The following FGF14 variants were observed in gnomAD, a reference collection of about 807,000 sequenced individuals.
The protein encoded by FGF14 is fibroblast growth factor 14.
In FGF14, 5 loss-of-function variants were observed where a neutral mutation model predicts 25.5. The ratio of observed to expected loss-of-function variants is 0.20; its 90% confidence interval spans 0.10 to 0.41. The LOEUF (loss-of-function observed/expected upper bound fraction) is 0.41. Among genes scored for constraint, FGF14 ranks in the 10% least tolerant of loss-of-function variants. The probability of loss-of-function intolerance (pLI) is 1.00; values close to 1 mark genes in which losing one functional copy is unlikely to be tolerated. For synonymous variants in FGF14, 138 were observed against 118.3 expected (o/e 1.17, Z -1.08); for missense variants, 222 against 320.1 (o/e 0.69, Z 2.34).
At chr13:101,761,670 G>A (rs1475471973) in intron 3 of FGF14, among the ~76,000 whole-genome samples, 5 of 152,134 alleles carry the variant, frequency 3.3e-5, no homozygotes, top group Non-Finnish European at 7.4e-5. Flanking sequence ...AGAGATGATG[G>A]CTAGGCTAAT....
chr13:101,715,781 G>T lies in FGF14; in HGVS notation c.*7050C>A. On this transcript the variant is annotated 3_prime_UTR_variant, in exon 5 of 5. Transcript: ENST00000376143. ...GACCATTGTATGTTTTTCTATTTCT[G>T]AATTACGAATGAAATCCGAGTACCT... The T allele has an allele frequency of 1.8e-6, 1 of 565,660 alleles. No individual in the cohort carries two copies. Among genetic ancestry groups the T allele is most frequent in the Admixed American group, 2.9e-5 (1 of 33,940 alleles). 35.0% of individuals were successfully genotyped at this position (565,660 alleles called of 1,614,324 possible). A position where few individuals can be genotyped will look rare whatever the true frequency, so the allele number is the denominator to read the frequency against.
intron 3 of FGF14, among the ~76,000 whole-genome samples, chr13:101,827,951 G>C (rs75100545): frequency 1.5e-5 from 1 of 67,072 alleles, no homozygotes; most frequent in Admixed American, 1.5e-4. Context: ...AAAGAAAAAA[G>C]TGTGGTATAC....
At chr13:101,948,315 T>C (rs548707775) in intron 1 of FGF14, among the ~76,000 whole-genome samples, 2 of 152,230 alleles carry the variant, frequency 1.3e-5, no homozygotes, top group East Asian at 1.9e-4. Context: ...TTCAGAATTA[T>C]GTTGTTAAAG....
intron 3 of FGF14, among the ~76,000 whole-genome samples, chr13:101,781,444 A>C (rs1050681163): frequency 4.6e-5 from 7 of 152,232 alleles, no homozygotes; most frequent in Non-Finnish European, 7.3e-5. Flanking sequence ...TGAGTGTCAT[A>C]CATATATCGA....
At chr13:101,991,894 G>T (rs944356475) in intron 1 of FGF14, among the ~76,000 whole-genome samples, 2 of 152,080 alleles carry the variant, frequency 1.3e-5, no homozygotes, top group African/African-American at 4.8e-5. Flanking sequence ...TTCACGCAGG[G>T]AGAAGGACAA....
chr13:101,939,306 A>C (rs985696976), intron 1 of FGF14, among the ~76,000 whole-genome samples: 1 of 152,202 alleles, frequency 6.6e-6, no homozygotes, highest in African/African-American at 2.4e-5. Flanking sequence ...AGCTCTCCTA[A>C]AAATACGTTT....
chr13:101,799,932 T>C (rs1403446579), intron 3 of FGF14, among the ~76,000 whole-genome samples: 1 of 152,146 alleles, frequency 6.6e-6, no homozygotes, highest in South Asian at 2.1e-4. Context: ...TAGAAGATTG[T>C]ATATGGATTT....
Position 101,728,660 on chromosome 13 carries a change from C to T in FGF14, c.409-1850G>A, listed in dbSNP as rs2035603877. Among the ~76,000 whole-genome samples, 4 of 146,090 alleles carry T rather than the reference C, an allele frequency of 2.7e-5. No individual in the cohort carries two copies. The Admixed American group carries it at 2.8e-4, about 10-fold the overall frequency. Reference sequence around the variant, plus strand: ...CTTTGGCATTTCACTTGTCTTTTTACTGAGACAGGGCAGGGCACCTAAGCA... The same window carrying T: ...CTTTGGCATTTCACTTGTCTTTTTATTGAGACAGGGCAGGGCACCTAAGCA... On this transcript the variant is annotated intron_variant, in intron 3 of 4. Coordinates refer to ENST00000376143, the MANE Select transcript of FGF14 (RefSeq NM_004115.4).
At chr13:102,100,882 C>T (rs991050376) in intron 1 of FGF14, among the ~76,000 whole-genome samples, 10 of 152,136 alleles carry the variant, frequency 6.6e-5, no homozygotes, top group Admixed American at 4.6e-4. Context: ...GGCAGATCAC[C>T]TGAGGTCAGG....
chr13:101,904,451 G>A (rs568784853), intron 1 of FGF14, among the ~76,000 whole-genome samples: 1 of 152,194 alleles, frequency 6.6e-6, no homozygotes, highest in African/African-American at 2.4e-5. Flanking sequence ...GAATAGCAGT[G>A]TGAGGCTAGT....
intron 1 of FGF14, among the ~76,000 whole-genome samples, chr13:102,203,235 C>A (rs979963148): frequency 3.9e-5 from 6 of 152,178 alleles, no homozygotes; most frequent in African/African-American, 1.4e-4. Flanking sequence ...CTCCCAAGTG[C>A]ATATCAACAA....
chr13:101,767,879 G>A (rs1327083963), intron 3 of FGF14, among the ~76,000 whole-genome samples: 4 of 152,138 alleles, frequency 2.6e-5, no homozygotes, highest in Non-Finnish European at 5.9e-5. Flanking sequence ...ATTTTAAAGT[G>A]TGGATTTGAA....
At chr13:101,835,229 G>A (rs1266675750) in intron 3 of FGF14, among the ~76,000 whole-genome samples, 1 of 151,966 alleles carries the variant, frequency 6.6e-6, no homozygotes, top group Admixed American at 6.6e-5. Context: ...GTGTATGTGG[G>A]TGTGTGTGTG....
At chr13:102,076,495 A>G (rs2043368923) in intron 1 of FGF14, among the ~76,000 whole-genome samples, 1 of 152,210 alleles carries the variant, frequency 6.6e-6, no homozygotes, top group African/African-American at 2.4e-5. Context: ...AAATTGTGTA[A>G]TGACACATTT....
At chr13:101,884,956 G>T (rs1158226970) in intron 1 of FGF14, among the ~76,000 whole-genome samples, 1 of 152,058 alleles carries the variant, frequency 6.6e-6, no homozygotes, top group Admixed American at 6.6e-5. Flanking sequence ...TAATTAGTAA[G>T]TGAGGAAGGG....
chr13:102,106,297 G>A (rs561260276), intron 1 of FGF14, among the ~76,000 whole-genome samples: 3 of 152,124 alleles, frequency 2.0e-5, no homozygotes, highest in Admixed American at 1.3e-4. Context: ...TTGGCCAGGC[G>A]CAGTGCCTCA....
At chr13:102,256,495 C>A (rs1281235999) in intron 1 of FGF14, among the ~76,000 whole-genome samples, 1 of 151,872 alleles carries the variant, frequency 6.6e-6, no homozygotes, top group Non-Finnish European at 1.5e-5. Flanking sequence ...GAGACCCTGT[C>A]TCAAAAAAAA....
chr13:102,239,207 A>G (rs972773708), intron 1 of FGF14, among the ~76,000 whole-genome samples: 2 of 152,194 alleles, frequency 1.3e-5, no homozygotes, highest in African/African-American at 4.8e-5. Context: ...CAGTTACTGT[A>G]CAGATTTTTC....
intron 1 of FGF14, among the ~76,000 whole-genome samples, chr13:102,015,533 C>G (rs112443160): frequency 0.032 from 4,878 of 152,158 alleles, 254 homozygotes; most frequent in African/African-American, 0.11. Context: ...AAAGTAAATT[C>G]TTTTCAAGAA....
Sources: gnomAD v4.1 joint callset for allele counts (sites outside exome capture counted in the v4.1 genomes callset) on GRCh38, gnomAD v4.1.1 for gene constraint, MANE v1.5 for transcripts, NCBI Gene and HGNC (gene_info 2026-07-23, HGNC 2026-07-21) for gene names.